The following DPP6 variants were observed in gnomAD, a reference collection of about 807,000 sequenced individuals.
The protein encoded by DPP6 is dipeptidyl peptidase like 6.
In DPP6, 69 loss-of-function variants were observed where a neutral mutation model predicts 122.6. The ratio of observed to expected loss-of-function variants is 0.56; its 90% CI spans 0.46 to 0.69. The LOEUF is 0.69. Ranked by LOEUF, DPP6 falls within the 30% of genes least tolerant of loss-of-function variation. The pLI is 0.00. For missense variants in DPP6, 928 were observed against 1,116.9 expected (o/e 0.83, Z 2.41); for synonymous variants, 418 against 433.1 (o/e 0.97, Z 0.43).
upstream of DPP6, among the ~76,000 whole-genome samples, chr7:154,048,320 T>TTGTGTGTGTGTG (rs1022642994): frequency 9.7e-6 from 1 of 102,922 alleles, no homozygotes; most frequent in Admixed American, 9.2e-5. Flanking sequence ...ATAGCAATTA[T>TTGTGTGTGTGTG]TGTGTGTGTG....
At chr7:154,397,159 G>T (rs2151177874) in intron 1 of DPP6, among the ~76,000 whole-genome samples, 1 of 149,536 alleles carries the variant, frequency 6.7e-6, no homozygotes, top group Admixed American at 6.7e-5. Flanking sequence ...AGATTTATAA[G>T]ATAAATCTAA....
chr7:154,768,226 G>A (rs11765840), intron 8 of DPP6, among the ~76,000 whole-genome samples: 1,778 of 152,328 alleles, frequency 0.012, 12 homozygotes, highest in Non-Finnish European at 0.02. Context: ...GGTGCCTCCC[G>A]CAGAACCTGG....
intron 1 of DPP6, among the ~76,000 whole-genome samples, chr7:154,030,150 AGCACCACC>A (rs1369815186): frequency 6.6e-6 from 1 of 152,198 alleles, no homozygotes; most frequent in Non-Finnish European, 1.5e-5. Context: ...GAGCCATGTT[AGCACCACC>A]GCATTCCAGC....
intron 3 of DPP6, among the ~76,000 whole-genome samples, chr7:154,516,023 C>T (rs1432873984): frequency 2.0e-5 from 3 of 152,186 alleles, no homozygotes; most frequent in African/African-American, 7.2e-5. Context: ...ATTACACCTA[C>T]TACCTTTTCT....
intron 1 of DPP6, among the ~76,000 whole-genome samples, chr7:153,924,800 T>C (rs930375069): frequency 1.3e-5 from 2 of 152,202 alleles, no homozygotes; most frequent in Non-Finnish European, 2.9e-5. Flanking sequence ...CAAGCCAGGC[T>C]ACATGGCTTA....
At chr7:153,812,780 G>A in the DPP6 span, among the ~76,000 whole-genome samples, 1 of 152,118 alleles carries the variant, frequency 6.6e-6, no homozygotes, top group South Asian at 2.1e-4. Context: ...TTCCAGAAAT[G>A]CCTTGGTTTC....
At chr7:154,369,186 C>T (rs1380888355) in intron 1 of DPP6, among the ~76,000 whole-genome samples, 1 of 152,164 alleles carries the variant, frequency 6.6e-6, no homozygotes, top group South Asian at 2.1e-4. Context: ...ACCTCCAACT[C>T]TGGGTTCAAG....
intron 16 of DPP6, among the ~76,000 whole-genome samples, chr7:154,834,125 C>G (rs1285769189): frequency 6.6e-6 from 1 of 152,122 alleles, no homozygotes; most frequent in African/African-American, 2.4e-5. Context: ...GCATCTGTCT[C>G]TGTCTCCCTA....
At chr7:154,847,107 GGAGCCCGCAGGTCATACGCAT>G (rs1802004539) in intron 16 of DPP6, among the ~76,000 whole-genome samples, 1 of 152,196 alleles carries the variant, frequency 6.6e-6, no homozygotes. Context: ...TCCCAGGAGT[GGAGCCCGCAGGTCATACGCAT>G]GAGCATCTTC....
intron 1 of DPP6, among the ~76,000 whole-genome samples, chr7:153,900,956 T>G (rs1317344973): frequency 6.6e-6 from 1 of 152,166 alleles, no homozygotes; most frequent in East Asian, 1.9e-4. Flanking sequence ...AGTCTTTCAT[T>G]TTAGAGTTTT....
chr7:154,200,499 C>T (rs186867313), intron 1 of DPP6, among the ~76,000 whole-genome samples: 3 of 152,092 alleles, frequency 2.0e-5, no homozygotes, highest in South Asian at 2.1e-4. Context: ...AACACTGAGC[C>T]GCTGGGGAAA....
intron 7 of DPP6, among the ~76,000 whole-genome samples, chr7:154,725,725 A>G (rs779851683): frequency 6.6e-6 from 1 of 152,334 alleles, no homozygotes; most frequent in Admixed American, 6.5e-5. Flanking sequence ...TGCCTTCCCA[A>G]CAATCTCCCA....
At chr7:153,959,079 C>A (rs1795214448) in intron 1 of DPP6, among the ~76,000 whole-genome samples, 1 of 152,108 alleles carries the variant, frequency 6.6e-6, no homozygotes. Context: ...ATTTCAAAGG[C>A]AGGCCAAGAA....
At chr7:153,995,447 G>T (rs1259973116) in intron 1 of DPP6, among the ~76,000 whole-genome samples, 1 of 152,060 alleles carries the variant, frequency 6.6e-6, no homozygotes, top group Non-Finnish European at 1.5e-5. Flanking sequence ...TTAGCCAGGG[G>T]TGGTGGCGGA....
intron 10 of DPP6, 58 bp from the exon 11 acceptor site, chr7:154,794,021 T>C: frequency 1.3e-6 from 2 of 1,580,490 alleles, no homozygotes; most frequent in South Asian, 1.2e-5. Flanking sequence ...GGCGGTCCCC[T>C]GGCTTCTGTC....
chr7:154,872,648 C>T lies in DPP6; in HGVS notation c.1838C>T (p.Pro613Leu), dbSNP rs1334944394. 1 of 1,602,390 alleles carries T rather than the reference C, an allele frequency of 6.2e-7. No individual in the cohort carries two copies. The highest frequency in any genetic ancestry group is 1.7e-5 in the Admixed American group (1 of 58,694). ...DYNLPMQILK[P>L]ATFTDTTHYP... Reference sequence around the variant, plus strand: ...GACCTGCCCATGCAGATACTGAAGCCAGCAACCTTCACCGACACCACCCAC... The same window carrying T: ...GACCTGCCCATGCAGATACTGAAGCTAGCAACCTTCACCGACACCACCCAC... The change falls in exon 19 of 26, where the codon CCA becomes CTA. Residue 613 changes from proline (P) to leucine (L), a missense_variant. By Grantham distance (98) the Pro-to-Leu change is moderately conservative. Coordinates refer to ENST00000377770, the MANE Select transcript of DPP6 (RefSeq NM_130797.4).
intron 1 of DPP6, among the ~76,000 whole-genome samples, chr7:154,083,120 A>G (rs886531023): frequency 6.6e-6 from 1 of 151,894 alleles, no homozygotes; most frequent in African/African-American, 2.4e-5. Context: ...AAGTGCTGGG[A>G]TTACAGGCGT....
chr7:153,865,766 A>T, the DPP6 span, among the ~76,000 whole-genome samples: 1 of 151,890 alleles, frequency 6.6e-6, no homozygotes, highest in Non-Finnish European at 1.5e-5. Flanking sequence ...CTCGTCATTT[A>T]GCATTAGGTA....
At chr7:153,941,095 CG>C (rs1563030202) in intron 1 of DPP6, among the ~76,000 whole-genome samples, 1 of 152,140 alleles carries the variant, frequency 6.6e-6, no homozygotes, top group East Asian at 1.9e-4. Flanking sequence ...TTGTCCCTAA[CG>C]GAAGGGTTAG....
Sources: allele counts gnomAD v4.1 joint callset (sites outside exome capture counted in the v4.1 genomes callset), GRCh38; gene constraint gnomAD v4.1.1; transcripts MANE v1.5; gene names NCBI Gene and HGNC (gene_info 2026-07-23, HGNC 2026-07-21).